The following ZNF407 variants were observed in gnomAD, a reference collection of about 807,000 sequenced individuals.
The protein encoded by ZNF407 is zinc finger protein 407.
A neutral mutation model predicts 131.2 loss-of-function variants in ZNF407; 17 were observed. The ratio of observed to expected loss-of-function variants is 0.13; its 90% CI spans 0.09 to 0.19. The LOEUF (loss-of-function observed/expected upper bound fraction) is 0.19, where lower values mean the gene tolerates loss of function less well. Ranked by LOEUF, ZNF407 falls within the 10% of genes least tolerant of loss-of-function variation. The pLI is 1.00. For synonymous variants in ZNF407, 1,156 were observed against 1,062.0 expected, an observed-to-expected ratio of 1.09 and a Z score of -1.72; for missense variants, 2,681 against 2,830.6, an observed-to-expected ratio of 0.95 and a Z score of 1.20.
intron 3 of ZNF407, among the ~76,000 whole-genome samples, chr18:74,657,040 T>A (rs2144722594): frequency 6.6e-6 from 1 of 152,156 alleles, no homozygotes; most frequent in East Asian, 1.9e-4. Context: ...GGTGTGTTTT[T>A]ATTTTACTAA....
At chr18:74,962,730 A>G (rs924310322) in intron 8 of ZNF407, among the ~76,000 whole-genome samples, 1 of 152,192 alleles carries the variant, frequency 6.6e-6, no homozygotes, top group South Asian at 2.1e-4. Context: ...TCCAAGAGTC[A>G]ATTCTGAAAC....
intron 1 of ZNF407, among the ~76,000 whole-genome samples, chr18:74,607,801 A>G (rs1194565956): frequency 1.3e-5 from 2 of 152,230 alleles, no homozygotes; most frequent in Non-Finnish European, 2.9e-5. Flanking sequence ...CAAATAAATG[A>G]GTTGAAATGG....
Position 74,781,440 on chromosome 18 carries a change from A to T in ZNF407, c.4815A>T (p.Val1605=). ...GTTTATTTTTTAGGGTTGCTTTTGTAATGAAGAAGCACTTAAATACTCATC... is the reference window on the plus strand; with the variant it reads ...GTTTATTTTTTAGGGTTGCTTTTGTTATGAAGAAGCACTTAAATACTCATC... The part of the protein sequence containing the change: ...YKCHVCGVAF[V]MKKHLNTHLL... The change falls in exon 4 of 9, where the codon GTA becomes GTT. Residue 1605 remains valine (V), a synonymous_variant. Coordinates refer to ENST00000299687, the MANE Select transcript of ZNF407 (RefSeq NM_017757.3). The T allele has an allele frequency of 6.5e-7, 1 of 1,543,248 alleles. No individual in the cohort carries two copies. The highest frequency in any genetic ancestry group is 8.7e-7 in the Non-Finnish European group (1 of 1,144,036).
At chr18:74,832,704 G>C (rs1970502529) in intron 4 of ZNF407, among the ~76,000 whole-genome samples, 1 of 152,038 alleles carries the variant, frequency 6.6e-6, no homozygotes, top group Non-Finnish European at 1.5e-5. Flanking sequence ...ATTTTACTTA[G>C]GGTAATTTCT....
At chr18:74,946,670 C>A (rs1972157147) in intron 8 of ZNF407, among the ~76,000 whole-genome samples, 1 of 152,026 alleles carries the variant, frequency 6.6e-6, no homozygotes, top group Non-Finnish European at 1.5e-5. Context: ...AAACTGAAAA[C>A]TGACCATGAT....
intron 5 of ZNF407, among the ~76,000 whole-genome samples, chr18:74,878,544 A>C (rs1216008136): frequency 6.6e-6 from 1 of 152,132 alleles, no homozygotes; most frequent in Non-Finnish European, 1.5e-5. Flanking sequence ...TCTAAAGAAT[A>C]ATTGTGGAGA....
At chr18:74,616,990 G>A (rs1483511825) in intron 1 of ZNF407, among the ~76,000 whole-genome samples, 256 of 2,584 alleles carry the variant, frequency 0.099, no homozygotes, top group Non-Finnish European at 0.12. Flanking sequence ...CCATATCCAC[G>A]CACCACACGC....
intron 3 of ZNF407, among the ~76,000 whole-genome samples, chr18:74,695,134 C>G (rs570249044): frequency 1.9e-4 from 29 of 152,186 alleles, no homozygotes; most frequent in African/African-American, 6.5e-4. Flanking sequence ...CCATCTTGAG[C>G]TATTGTTGAT....
Position 74,739,362 on chromosome 18 carries a change from C to T in ZNF407, c.4803-42066C>T, listed in dbSNP as rs1047844441. On this transcript the variant is annotated intron_variant, in intron 3 of 8. Transcript: ENST00000299687. Reference sequence around the variant, plus strand: ...AGGGACACCTGGCTTTTCTCTGCTCCAGTTACTGCAGGATCCAGAGCTAGA... The same window carrying T: ...AGGGACACCTGGCTTTTCTCTGCTCTAGTTACTGCAGGATCCAGAGCTAGA... Among the ~76,000 whole-genome samples the T allele has an allele frequency of 6.6e-5, 10 of 152,100 alleles. 1 individual carries two copies. The highest frequency in any genetic ancestry group is 3.4e-3 in the Middle Eastern group (1 of 294).
chr18:74,722,160 T>A (rs1599098908), intron 3 of ZNF407, among the ~76,000 whole-genome samples: 1 of 152,088 alleles, frequency 6.6e-6, no homozygotes, highest in South Asian at 2.1e-4. Context: ...GATTACTGTG[T>A]TTCATCAAAT....
intron 4 of ZNF407, among the ~76,000 whole-genome samples, chr18:74,866,197 A>G (rs1272892983): frequency 3.3e-5 from 5 of 152,208 alleles, no homozygotes; most frequent in African/African-American, 1.2e-4. Context: ...GGTCTACTGC[A>G]CTAAAATCGC....
intron 8 of ZNF407, among the ~76,000 whole-genome samples, chr18:75,033,605 A>C (rs1973271760): frequency 6.6e-6 from 1 of 152,220 alleles, no homozygotes; most frequent in African/African-American, 2.4e-5. Flanking sequence ...GCAGGGAAGA[A>C]TCCTGCGGTC....
intron 3 of ZNF407, among the ~76,000 whole-genome samples, chr18:74,672,400 T>C (rs1986174643): frequency 1.3e-5 from 2 of 152,156 alleles, no homozygotes; most frequent in African/African-American, 2.4e-5. Context: ...ATTGGAGCAG[T>C]GTTTGTTTGT....
chr18:74,970,173 C>A (rs569056790), intron 8 of ZNF407, among the ~76,000 whole-genome samples: 36 of 152,170 alleles, frequency 2.4e-4, no homozygotes, highest in African/African-American at 8.4e-4. Context: ...CCCCGCCCCC[C>A]TCCAGTCCCT....
At chr18:74,943,334 C>T (rs568862076) in intron 8 of ZNF407, among the ~76,000 whole-genome samples, 4 of 152,310 alleles carry the variant, frequency 2.6e-5, no homozygotes, top group Admixed American at 2.6e-4. Context: ...TAGCACATTG[C>T]AGTTCTCTTT....
chr18:74,730,502 A>C (rs1347186723), intron 3 of ZNF407, among the ~76,000 whole-genome samples: 5 of 152,206 alleles, frequency 3.3e-5, no homozygotes, highest in Admixed American at 6.5e-5. Flanking sequence ...ACTGCCCGTC[A>C]CAAATGCTTG....
In ZNF407 at chr18:74,809,558, A is replaced by G. The variant is rs183701219; in HGVS notation, c.4877+28056A>G. On this transcript the variant is annotated intron_variant, in intron 4 of 8. Coordinates refer to ENST00000299687, the MANE Select transcript of ZNF407 (RefSeq NM_017757.3). ...GCAAGGTAGATGATGGGCAAGAAGA[A>G]TGCCTTTCTTCTGTTAAGTGAGGAA... 5.3e-5 allele frequency among the ~76,000 whole-genome samples: 8 copies of G among 152,342 alleles called. No homozygotes were observed. In the East Asian group the frequency reaches 1.5e-3, roughly 29 times the overall value.
At chr18:74,766,946 C>G (rs933540325) in intron 3 of ZNF407, among the ~76,000 whole-genome samples, 1 of 152,148 alleles carries the variant, frequency 6.6e-6, no homozygotes, top group African/African-American at 2.4e-5. Context: ...GAGTCTCACT[C>G]TGTCACTCAG....
chr18:74,725,915 T>C (rs1465310031), intron 3 of ZNF407, among the ~76,000 whole-genome samples: 4 of 152,158 alleles, frequency 2.6e-5, no homozygotes, highest in Admixed American at 6.5e-5. Flanking sequence ...GACATCCTTA[T>C]TGGATGTTGA....
Sources: gnomAD v4.1 joint callset for allele counts (sites outside exome capture counted in the v4.1 genomes callset) on GRCh38, gnomAD v4.1.1 for gene constraint, MANE v1.5 for transcripts, NCBI Gene and HGNC (gene_info 2026-07-23, HGNC 2026-07-21) for gene names.